Variants in MEIOC observed in about 807,000 individuals in gnomAD.
The protein encoded by MEIOC is meiosis specific with coiled-coil domain.
MEIOC carries 9 observed loss-of-function variants against 85.3 expected under a neutral mutation model. The observed-to-expected ratio is 0.11, with a 90% CI of 0.06 to 0.18. The LOEUF is 0.18. MEIOC is among the 10% of genes least tolerant of loss of function. The pLI is 1.00. For missense variants in MEIOC, 898 were observed against 1,129.4 expected, an observed-to-expected ratio of 0.80 and a Z score of 2.94; for synonymous variants, 365 against 393.7, an observed-to-expected ratio of 0.93 and a Z score of 0.86.
At position 44,667,045 on chromosome 17, in the gene MEIOC, T is replaced by A; in HGVS notation, c.1134T>A (p.Asn378Lys). The A allele has an allele frequency of 1.9e-6, 3 of 1,613,464 alleles. No homozygotes were observed. The highest frequency in any genetic ancestry group is 1.7e-6 in the Non-Finnish European group (2 of 1,179,768). ...AGTTATTTCAGGTTAAGCCAGCGAA[T>A]CAGAAAAAAATGGAGGAGACAATCC... The part of the protein sequence containing the change: ...YTKLFQVKPA[N>K]QKKMEETIPD... The change falls in exon 5 of 8, where the codon AAT becomes AAA. Residue 378 changes from asparagine (N) to lysine (K), a missense_variant. Coordinates refer to ENST00000409122, the MANE Select transcript of MEIOC (RefSeq NM_001145080.3).
chr17:44,669,563 T>C, intron 6 of MEIOC, 46 bp downstream of exon 6: 1 of 1,546,174 alleles, frequency 6.5e-7, no homozygotes, highest in Non-Finnish European at 8.8e-7. Context: ...TTTGTTAAAT[T>C]TTTTTTAAGT....
chr17:44,658,792 CAAAA>C (rs545961771), intron 2 of MEIOC, among the ~76,000 whole-genome samples: 17 of 70,882 alleles, frequency 2.4e-4, no homozygotes, highest in African/African-American at 8.7e-4. Flanking sequence ...GACTCCCTCT[CAAAA>C]AAAAAAAAAA....
chr17:44,665,042 G>GCAGCT lies in MEIOC; in HGVS notation c.360-341_360-337dup, dbSNP rs1353021525. The GCAGCT allele has an allele frequency of 4.6e-6, 3 of 647,364 alleles. No homozygotes were observed. In the Admixed American group the frequency reaches 1.9e-4, roughly 40 times the overall value. The allele number at this position is 647,364 out of a possible 1,614,324, so 40.1% of individuals were successfully genotyped here. ...AATAAGACAAGACTTGCTTTCAGGA[G>GCAGCT]CAGCTATGATACCAAGCATGTCTGT... On this transcript the variant is annotated intron_variant, in intron 3 of 7. Transcript: ENST00000409122.
chr17:44,663,938 A>G (rs1351564884), intron 3 of MEIOC, among the ~76,000 whole-genome samples: 3 of 152,234 alleles, frequency 2.0e-5, no homozygotes, highest in Non-Finnish European at 4.4e-5. Context: ...ACGAATGATT[A>G]CTAATGCTTA....
Position 44,667,945 on chromosome 17 carries a change from G to A in MEIOC, c.2034G>A (p.Gln678=), listed in dbSNP as rs1430252148. The A allele has an allele frequency of 3.1e-6, 5 of 1,613,742 alleles. No individual in the cohort carries two copies. Among genetic ancestry groups the A allele is most frequent in the Middle Eastern group, 3.3e-4 (2 of 6,084 alleles). The change falls in exon 5 of 8, where the codon CAG becomes CAA. Residue 678 remains glutamine (Q), a synonymous_variant. Coordinates refer to ENST00000409122, the MANE Select transcript of MEIOC (RefSeq NM_001145080.3). ...NYMMGDLRHN[Q]CFQQLGSNGF... ...TGATGGGAGATTTAAGGCATAATCA[G>A]TGTTTTCAACAACTTGGTTCAAATG...
chr17:44,656,906 A>C (rs1301878716), intron 1 of MEIOC, among the ~76,000 whole-genome samples: 1 of 75,838 alleles, frequency 1.3e-5, no homozygotes, highest in African/African-American at 5.1e-5. Context: ...CGTCGCGCTG[A>C]GGCGGTGGCC....
intron 4 of MEIOC, among the ~76,000 whole-genome samples, 181 bp from the exon 5 acceptor site, chr17:44,666,195 C>T (rs1377196238): frequency 6.6e-6 from 1 of 152,098 alleles, no homozygotes. Flanking sequence ...ACATACAGCA[C>T]ATTTCATGTG....
In MEIOC at chr17:44,667,790, G is replaced by C. The variant is rs777484423; in HGVS notation, c.1879G>C (p.Asp627His). 52 of 1,613,792 alleles carry C rather than the reference G, an allele frequency of 3.2e-5. No individual in the cohort carries two copies. Among genetic ancestry groups the C allele is most frequent in the Non-Finnish European group, 4.3e-5 (51 of 1,179,870 alleles). The change falls in exon 5 of 8, where the codon GAT becomes CAT. Residue 627 changes from aspartate to histidine, a missense_variant. Asp to His is a moderately conservative substitution (Grantham distance 81, BLOSUM62 -1). Transcript: ENST00000409122. Reference protein sequence around the residue: ...YDPEEGPKHLDGLSQNTYQDL... With the variant: ...YDPEEGPKHLHGLSQNTYQDL... Reference sequence around the variant, plus strand: ...TCCTGAGGAAGGTCCAAAGCATTTAGATGGCTTATCACAAAATACATACCA... The same window carrying C: ...TCCTGAGGAAGGTCCAAAGCATTTACATGGCTTATCACAAAATACATACCA...
intron 6 of MEIOC, chr17:44,669,989 G>C (rs1211906239): frequency 1.3e-5 from 2 of 153,794 alleles, no homozygotes; most frequent in African/African-American, 4.8e-5. Context: ...TTAGGAAAGG[G>C]GCTGGGTGCA....
downstream of MEIOC, chr17:44,675,831 T>G (rs1972068366): frequency 1.2e-6 from 1 of 836,882 alleles, no homozygotes; most frequent in African/African-American, 1.8e-5. Context: ...ATTCATATGT[T>G]TCTAACCTTA....
intron 2 of MEIOC, among the ~76,000 whole-genome samples, chr17:44,658,101 C>G (rs1042810805): frequency 3.3e-5 from 5 of 151,244 alleles, no homozygotes. Flanking sequence ...ATCCTCCCGC[C>G]TCGGCCTCCC....
rs1971929585 is a variant in MEIOC at position 44,667,678 on chromosome 17, T to G, written c.1767T>G (p.Cys589Trp). ...DKKIKQPNGF[C>W]DNYSAQKYGI... ...AAATAAAGCAGCCAAATGGATTTTG[T>G]GATAACTATTCAGCTCAGAAGTATG... Residue 589 changes from cysteine (C) to tryptophan (W), a missense_variant, in exon 5 of 8, where the codon TGT (cysteine) becomes TGG (tryptophan). This residue lies in a region of MEIOC where 734 missense variants were observed against 860.1 expected (regional missense o/e 0.85). Coordinates refer to ENST00000409122, the MANE Select transcript of MEIOC (RefSeq NM_001145080.3). The G allele has an allele frequency of 6.2e-7, 1 of 1,613,146 alleles. No homozygotes were observed. Among genetic ancestry groups the G allele is most frequent in the Non-Finnish European group, 8.5e-7 (1 of 1,179,560 alleles).
intron 5 of MEIOC, among the ~76,000 whole-genome samples, chr17:44,668,960 TTGGGAGGCCAAGGTGGGCAGA>T (rs1971955898): frequency 6.6e-6 from 1 of 152,122 alleles, no homozygotes; most frequent in South Asian, 2.1e-4. Context: ...TCCCAGCACT[TTGGGAGGCCAAGGTGGGCAGA>T]TCACAAGGTC....
At chr17:44,669,312 C>T (rs753794511) in intron 5 of MEIOC, 71 bp from the exon 6 acceptor site, 24 of 1,276,266 alleles carry the variant, frequency 1.9e-5, no homozygotes, top group Non-Finnish European at 2.1e-5. Context: ...ATTAGGCTTA[C>T]GAAAACTATT....
At chr17:44,675,869 G>A, downstream of MEIOC, 1 of 584,112 alleles carries the variant, frequency 1.7e-6, no homozygotes, top group Non-Finnish European at 2.2e-6. Flanking sequence ...AAAGTCAAAT[G>A]AATTTCATTT....
intron 2 of MEIOC, among the ~76,000 whole-genome samples, chr17:44,658,943 CATTT>C (rs1180078512): frequency 1.3e-5 from 2 of 151,528 alleles, no homozygotes; most frequent in Non-Finnish European, 2.9e-5. Context: ...TTCGTTCAGG[CATTT>C]ATTGCAAGTT....
Position 44,667,890 on chromosome 17 carries a change from C to T in MEIOC, c.1979C>T (p.Thr660Ile). Residue 660 changes from threonine to isoleucine, a missense_variant, in exon 5 of 8, where the codon ACA becomes ATA. Coordinates refer to ENST00000409122, the MANE Select transcript of MEIOC (RefSeq NM_001145080.3). Reference sequence around the variant, plus strand: ...GGAGACAATAGCCGTGTGAATCGCACACAAGTGTCATGCTTTTCTAATAAT... The same window carrying T: ...GGAGACAATAGCCGTGTGAATCGCATACAAGTGTCATGCTTTTCTAATAAT... ...RGGDNSRVNR[T>I]QVSCFSNNYM... The T allele has an allele frequency of 6.2e-7, 1 of 1,613,898 alleles. No individual in the cohort carries two copies. The highest frequency in any genetic ancestry group is 8.5e-7 in the Non-Finnish European group (1 of 1,179,848).
At chr17:44,665,181 A>C in intron 3 of MEIOC, 8 of 1,067,700 alleles carry the variant, frequency 7.5e-6, no homozygotes, top group Non-Finnish European at 9.3e-6. Flanking sequence ...GAAATGAAGG[A>C]GAAATATTTA....
intron 6 of MEIOC, among the ~76,000 whole-genome samples, chr17:44,671,992 A>G (rs1480683034): frequency 6.6e-6 from 1 of 152,156 alleles, no homozygotes; most frequent in African/African-American, 2.4e-5. Flanking sequence ...TTATTTAAAA[A>G]TCACCTGTGC....
Sources: gnomAD v4.1 joint callset for allele counts (sites outside exome capture counted in the v4.1 genomes callset) on GRCh38, gnomAD v4.1.1 for gene constraint, gnomAD v4.1.1 regional missense constraint, MANE v1.5 for transcripts, NCBI Gene and HGNC (gene_info 2026-07-23, HGNC 2026-07-21) for gene names.